The following TXNDC12 variants were observed in gnomAD, a reference collection of about 807,000 sequenced individuals.
TXNDC12 encodes thioredoxin domain-containing protein 12.
TXNDC12 carries 22 observed loss-of-function variants against 24.2 expected under a neutral mutation model. The ratio of observed to expected loss-of-function variants is 0.91; its 90% CI spans 0.65 to 1.30. The LOEUF is 1.30. Ranked by LOEUF, TXNDC12 falls within the 50% of genes most tolerant of loss-of-function variation. The probability of loss-of-function intolerance (pLI) is 0.00; values close to 1 mark genes in which losing one functional copy is unlikely to be tolerated. For missense variants in TXNDC12, 184 were observed against 205.8 expected, an observed-to-expected ratio of 0.89 and a Z score of 0.65; for synonymous variants, 58 against 73.4, an observed-to-expected ratio of 0.79 and a Z score of 1.07.
At chr1:52,030,784 G>A (rs1685739999) in intron 2 of TXNDC12, among the ~76,000 whole-genome samples, 1 of 152,116 alleles carries the variant, frequency 6.6e-6, no homozygotes, top group African/African-American at 2.4e-5. Context: ...CTTCCGTAGG[G>A]CCCATGATAT....
At chr1:52,041,338 GA>G (rs111745022) in intron 2 of TXNDC12, among the ~76,000 whole-genome samples, 198 bp downstream of exon 2, 3,469 of 100,956 alleles carry the variant, frequency 0.034, 67 homozygotes, top group African/African-American at 0.088. Flanking sequence ...ATCTCAAAAA[GA>G]AAAAAAAAAA....
At chr1:52,043,788 G>T (rs545535893) in intron 1 of TXNDC12, among the ~76,000 whole-genome samples, 1 of 152,156 alleles carries the variant, frequency 6.6e-6, no homozygotes, top group Non-Finnish European at 1.5e-5. Flanking sequence ...AATTGCAATC[G>T]TGTGCCATTC....
intron 1 of TXNDC12, among the ~76,000 whole-genome samples, chr1:52,044,923 T>C (rs1475667845): frequency 6.6e-6 from 1 of 150,828 alleles, no homozygotes; most frequent in African/African-American, 2.4e-5. Context: ...TACAGTGAGT[T>C]GAGATCACGC....
chr1:52,040,902 C>T (rs1685975496), intron 2 of TXNDC12, among the ~76,000 whole-genome samples: 1 of 151,730 alleles, frequency 6.6e-6, no homozygotes, highest in South Asian at 2.1e-4. Flanking sequence ...AATGGTGGCA[C>T]ATGCCTGTAA....
At chr1:52,034,775 AT>A (rs1461197926) in intron 2 of TXNDC12, among the ~76,000 whole-genome samples, 2 of 151,620 alleles carry the variant, frequency 1.3e-5, no homozygotes, top group Non-Finnish European at 1.5e-5. Flanking sequence ...TATTATTATT[AT>A]TTTTTGAGAT....
At position 52,036,256 on chromosome 1, in the gene TXNDC12, T is replaced by G. The variant is rs75453112; in HGVS notation, c.158+5281A>C. On this transcript the variant is annotated intron_variant, in intron 2 of 6. Coordinates refer to ENST00000371626, the MANE Select transcript of TXNDC12 (RefSeq NM_015913.4). Reference sequence around the variant, plus strand: ...AACACATATTTTGAATGTAATATTATATATTGTATTCTTACAATAAAGTAA... The same window carrying G: ...AACACATATTTTGAATGTAATATTAGATATTGTATTCTTACAATAAAGTAA... Among the ~76,000 whole-genome samples, 1,298 of 152,276 alleles carry G rather than the reference T, an allele frequency of 8.5e-3. 17 individuals carry two copies. Among genetic ancestry groups the G allele is most frequent in the African/African-American group, 0.029 (1,225 of 41,556 alleles).
intron 2 of TXNDC12, among the ~76,000 whole-genome samples, chr1:52,037,379 A>G (rs758413913): frequency 4.6e-5 from 7 of 151,786 alleles, no homozygotes; most frequent in Non-Finnish European, 7.4e-5. Context: ...CGCCCGGCGA[A>G]TTTTGTATTT....
intron 2 of TXNDC12, chr1:52,030,401 T>C (rs1685733331): frequency 6.6e-6 from 1 of 152,230 alleles, no homozygotes; most frequent in Non-Finnish European, 1.5e-5. Context: ...AAAACCAATG[T>C]TCTTTCTGAC....
At chr1:52,037,280 T>C (rs1302351219) in intron 2 of TXNDC12, among the ~76,000 whole-genome samples, 1 of 147,632 alleles carries the variant, frequency 6.8e-6, no homozygotes, top group Non-Finnish European at 1.5e-5. Flanking sequence ...TGGCACGATC[T>C]CAGCTCACTG....
chr1:52,040,243 T>C (rs543572690), intron 2 of TXNDC12, among the ~76,000 whole-genome samples: 4 of 151,946 alleles, frequency 2.6e-5, no homozygotes, highest in East Asian at 3.9e-4. Flanking sequence ...AGAAGCTTTT[T>C]AGACAGGGTC....
At chr1:52,051,253 A>G (rs533184349) in intron 1 of TXNDC12, among the ~76,000 whole-genome samples, 2 of 152,334 alleles carry the variant, frequency 1.3e-5, no homozygotes, top group South Asian at 4.1e-4. Context: ...ACTCTATAGA[A>G]CGTTAGAGCT....
chr1:52,028,898 T>C (rs1397303761), intron 2 of TXNDC12, among the ~76,000 whole-genome samples: 1 of 152,082 alleles, frequency 6.6e-6, no homozygotes, highest in Non-Finnish European at 1.5e-5. Context: ...GAGGCTGAAG[T>C]GGGCAGATGA....
At chr1:52,029,634 G>A (rs1405442576) in intron 2 of TXNDC12, among the ~76,000 whole-genome samples, 3 of 152,128 alleles carry the variant, frequency 2.0e-5, no homozygotes, top group Non-Finnish European at 4.4e-5. Flanking sequence ...CACTGGACTT[G>A]GAGATTCCTA....
At chr1:52,037,967 G>A (rs1405295554) in intron 2 of TXNDC12, among the ~76,000 whole-genome samples, 1 of 149,762 alleles carries the variant, frequency 6.7e-6, no homozygotes, top group Non-Finnish European at 1.5e-5. Flanking sequence ...TTATTCTGTT[G>A]CCCAGGCTAC....
intron 6 of TXNDC12, among the ~76,000 whole-genome samples, chr1:52,022,342 CAA>C (rs1279098947): frequency 6.6e-6 from 1 of 152,112 alleles, no homozygotes; most frequent in Non-Finnish European, 1.5e-5. Context: ...TGACTGTGCT[CAA>C]AGATTAGAGA....
chr1:52,034,588 G>T (rs1260726324), intron 2 of TXNDC12, among the ~76,000 whole-genome samples: 1 of 151,974 alleles, frequency 6.6e-6, no homozygotes, highest in Non-Finnish European at 1.5e-5. Flanking sequence ...AAATTTAACT[G>T]GGCATCTTTA....
At chr1:52,048,582 C>A (rs1482495332) in intron 1 of TXNDC12, among the ~76,000 whole-genome samples, 14 of 151,780 alleles carry the variant, frequency 9.2e-5, no homozygotes, top group Non-Finnish European at 1.5e-5. Context: ...AATAAAATTT[C>A]TCAGCCAGGC....
intron 4 of TXNDC12, 131 bp from the exon 5 acceptor site, chr1:52,024,710 A>C: frequency 1.5e-6 from 1 of 662,012 alleles, no homozygotes. Context: ...TACATGATCT[A>C]TCACCTAGGC....
intron 2 of TXNDC12, chr1:52,034,056 G>C (rs942292824): frequency 7.5e-7 from 1 of 1,335,948 alleles, no homozygotes; most frequent in African/African-American, 1.5e-5. Flanking sequence ...TAAGGCCTAA[G>C]GGGCATTAAA....
Sources: gnomAD v4.1 joint callset for allele counts (sites outside exome capture counted in the v4.1 genomes callset) on GRCh38, gnomAD v4.1.1 for gene constraint, MANE v1.5 for transcripts, NCBI Gene and HGNC (gene_info 2026-07-23, HGNC 2026-07-21) for gene names.